The following GREM2 variants were observed in gnomAD, a reference collection of about 807,000 sequenced individuals.
GREM2 encodes the protein gremlin 2, DAN family BMP antagonist.
GREM2 carries 11 observed loss-of-function variants against 14.2 expected under a neutral mutation model. That is an observed-to-expected ratio of 0.78 (90% CI 0.49 to 1.28). The LOEUF (loss-of-function observed/expected upper bound fraction) is 1.28, where lower values mean the gene tolerates loss of function less well. GREM2 is among the 50% of genes most tolerant of loss of function. The probability of loss-of-function intolerance (pLI) is 0.00; values close to 1 mark genes in which losing one functional copy is unlikely to be tolerated. For missense variants in GREM2, 210 were observed against 218.5 expected (o/e 0.96, Z 0.24); for synonymous variants, 98 against 97.6 (o/e 1.00, Z -0.02).
chr1:240,493,552 T>TTTA (rs540342100), intron 1 of GREM2, 76 bp from the exon 2 acceptor site: 58 of 1,414,604 alleles, frequency 4.1e-5, no homozygotes, highest in South Asian at 9.3e-5. Context: ...TTTTTTTTTT[T>TTTA]ATTTTAGACA....
chr1:240,556,162 C>T (rs1482486232), intron 1 of GREM2, among the ~76,000 whole-genome samples: 2 of 152,102 alleles, frequency 1.3e-5, no homozygotes, highest in African/African-American at 2.4e-5. Context: ...TCACTTACGC[C>T]GGGCACAGTG....
At chr1:240,580,890 G>A (rs2103376720) in intron 1 of GREM2, among the ~76,000 whole-genome samples, 1 of 152,224 alleles carries the variant, frequency 6.6e-6, no homozygotes, top group South Asian at 2.1e-4. Context: ...CCAATATATT[G>A]CCTATTTAAT....
intron 1 of GREM2, among the ~76,000 whole-genome samples, chr1:240,552,631 AG>A (rs1167317645): frequency 6.6e-6 from 1 of 152,296 alleles, no homozygotes; most frequent in Non-Finnish European, 1.5e-5. Context: ...GAGCAAGAAA[AG>A]CTTTAGGGCA....
chr1:240,562,708 C>CGTGTGT (rs10643403), intron 1 of GREM2, among the ~76,000 whole-genome samples: 5,442 of 150,476 alleles, frequency 0.036, 231 homozygotes, highest in African/African-American at 0.099. Context: ...ACAGGATTGC[C>CGTGTGT]GTGTGTGTGT....
At chr1:240,562,780 AGTGTGTAT>A (rs1187072676) in intron 1 of GREM2, among the ~76,000 whole-genome samples, 9 of 148,232 alleles carry the variant, frequency 6.1e-5, no homozygotes, top group South Asian at 2.1e-4. Flanking sequence ...TGTGTGTATG[AGTGTGTAT>A]GTGTGTATGT....
Position 240,540,684 on chromosome 1 carries a change from T to G in GREM2, c.-1-47208A>C, listed in dbSNP as rs1678566275. On this transcript the variant is annotated intron_variant, in intron 1 of 1. Coordinates refer to ENST00000318160, the MANE Select transcript of GREM2 (RefSeq NM_022469.4). The surrounding 1 kb of genome is among the most constrained non-coding windows in gnomAD (Gnocchi z 4.2). ...TTCAAGAGATTCTCCTGCCTCAGCC[T>G]CCTGAGTAGCTGGGACTACAGGCAT... is the stretch of plus-strand genomic sequence containing the variant. Among the ~76,000 whole-genome samples, 1 of 151,866 alleles carries G rather than the reference T, an allele frequency of 6.6e-6. No homozygotes were observed. The highest frequency in any genetic ancestry group is 1.5e-5 in the Non-Finnish European group (1 of 67,978).
At chr1:240,563,511 G>C (rs142612768) in intron 1 of GREM2, among the ~76,000 whole-genome samples, 3 of 152,136 alleles carry the variant, frequency 2.0e-5, no homozygotes, top group Non-Finnish European at 4.4e-5. Flanking sequence ...AAAATGTTCC[G>C]TGCCCAGCTA....
At chr1:240,545,724 C>T (rs1428228858) in intron 1 of GREM2, among the ~76,000 whole-genome samples, 2 of 152,144 alleles carry the variant, frequency 1.3e-5, no homozygotes, top group East Asian at 1.9e-4. Context: ...TGATTGCTTG[C>T]TTGGTATGTG....
chr1:240,590,899 T>C (rs984547611), intron 1 of GREM2, among the ~76,000 whole-genome samples: 3 of 151,858 alleles, frequency 2.0e-5, no homozygotes, highest in Non-Finnish European at 4.4e-5. Flanking sequence ...GATTCTCCTG[T>C]CTCAGCCTCC....
intron 1 of GREM2, among the ~76,000 whole-genome samples, chr1:240,609,653 TG>T (rs1680095219): frequency 6.6e-6 from 1 of 152,124 alleles, no homozygotes; most frequent in South Asian, 2.1e-4. Flanking sequence ...GCCTGCAACC[TG>T]GCACGTTGCA....
intron 1 of GREM2, among the ~76,000 whole-genome samples, chr1:240,510,151 C>T (rs1049667085): frequency 2.6e-5 from 4 of 151,928 alleles, no homozygotes; most frequent in East Asian, 1.9e-4. Flanking sequence ...GGGCGGATCA[C>T]GAGGTCAGGA....
intron 1 of GREM2, among the ~76,000 whole-genome samples, chr1:240,593,389 A>AGGT (rs1558176808): frequency 6.6e-6 from 1 of 151,740 alleles, no homozygotes; most frequent in Non-Finnish European, 1.5e-5. Flanking sequence ...TTCAGATTCC[A>AGGT]CACACTGAGT....
chr1:240,544,513 T>C (rs1678674183), intron 1 of GREM2, among the ~76,000 whole-genome samples: 1 of 152,124 alleles, frequency 6.6e-6, no homozygotes, highest in Admixed American at 6.5e-5. Flanking sequence ...AGAGATGAGG[T>C]CCTGGAACCA....
chr1:240,510,854 G>T (rs915632646), intron 1 of GREM2, among the ~76,000 whole-genome samples: 5 of 152,130 alleles, frequency 3.3e-5, no homozygotes, highest in Non-Finnish European at 7.4e-5. Flanking sequence ...AGTGGCATTA[G>T]GTATGAACCA....
rs538442230 is a variant in GREM2 at position 240,544,718 on chromosome 1, A to T, written c.-1-51242T>A. On this transcript the variant is annotated intron_variant, in intron 1 of 1. Coordinates refer to ENST00000318160, the MANE Select transcript of GREM2 (RefSeq NM_022469.4). ...ACTTCATTTCTTTTGTGATCTTTGG[A>T]GTTTCAAAATATGTGTTTTTAGTAT... 9.2e-5 allele frequency among the ~76,000 whole-genome samples: 14 copies of T among 152,108 alleles called. No individual in the cohort carries two copies. In the South Asian group the frequency reaches 2.9e-3, roughly 32 times the overall value.
At chr1:240,504,999 G>A (rs1315988387) in intron 1 of GREM2, among the ~76,000 whole-genome samples, 3 of 152,240 alleles carry the variant, frequency 2.0e-5, no homozygotes, top group South Asian at 2.1e-4. Context: ...GTGGGGCCTG[G>A]TGGAAGGTGA....
intron 1 of GREM2, among the ~76,000 whole-genome samples, chr1:240,573,632 C>G (rs1679302283): frequency 6.6e-6 from 1 of 152,162 alleles, no homozygotes; most frequent in Non-Finnish European, 1.5e-5. Context: ...GAAATTCCAG[C>G]CTAATTTGAA....
chr1:240,493,158 G>A lies in GREM2; in HGVS notation c.318C>T (p.Ile106=). The part of the protein sequence containing the change: ...FCYGQCNSFY[I]PRHVKKEEES... ...CCTCCTCCTTCTTCACGTGCCGCGG[G>A]ATGTAGAAGGAGTTGCACTGGCCGT... Residue 106 remains isoleucine, a synonymous_variant, in exon 2 of 2, where the codon ATC becomes ATT. Transcript: ENST00000318160. 1.2e-6 allele frequency: 2 copies of A among 1,614,220 alleles called. No homozygotes were observed. The highest frequency in any genetic ancestry group is 1.7e-6 in the Non-Finnish European group (2 of 1,180,046).
At chr1:240,608,997 G>T (rs1191763352) in intron 1 of GREM2, among the ~76,000 whole-genome samples, 2 of 152,042 alleles carry the variant, frequency 1.3e-5, no homozygotes, top group African/African-American at 4.8e-5. Context: ...CACCTGTGTG[G>T]GATATACCTA....
Sources: allele counts gnomAD v4.1 joint callset (sites outside exome capture counted in the v4.1 genomes callset), GRCh38; gene constraint gnomAD v4.1.1; non-coding constraint Gnocchi (gnomAD v3.1); transcripts MANE v1.5; gene names NCBI Gene and HGNC (gene_info 2026-07-23, HGNC 2026-07-21).